Variants in BCL2L1 observed in about 807,000 individuals in gnomAD.
The protein encoded by BCL2L1 is BCL2 like 1.
In BCL2L1, 1 loss-of-function variant was observed where a neutral mutation model predicts 18.7. That is an observed-to-expected ratio of 0.05 (90% confidence interval 0.02 to 0.25). The LOEUF (loss-of-function observed/expected upper bound fraction) is 0.25. Ranked by LOEUF, BCL2L1 falls within the 10% of genes least tolerant of loss-of-function variation. BCL2L1 has a pLI of 1.00. For synonymous variants in BCL2L1, 103 were observed against 122.7 expected (o/e 0.84, Z 1.06); for missense variants, 207 against 304.9 (o/e 0.68, Z 2.39).
intron 2 of BCL2L1, among the ~76,000 whole-genome samples, chr20:31,721,214 C>A (rs896522080): frequency 6.6e-6 from 1 of 152,180 alleles, no homozygotes; most frequent in African/African-American, 2.4e-5. Context: ...AGGACTGAGA[C>A]CCCTTGGGGG....
At chr20:31,720,917 C>A (rs761138789) in intron 2 of BCL2L1, 62 of 985,428 alleles carry the variant, frequency 6.3e-5, no homozygotes, top group Middle Eastern at 5.2e-4. Flanking sequence ...CCCCAACCGA[C>A]CCCAGGCAAT....
chr20:31,712,057 G>A (rs1026245233), intron 2 of BCL2L1, among the ~76,000 whole-genome samples: 10 of 152,182 alleles, frequency 6.6e-5, no homozygotes, highest in Non-Finnish European at 1.5e-4. Context: ...TTCAGAGTAA[G>A]AGAGACCTGG....
upstream of BCL2L1, chr20:31,723,397 C>G (rs2061667934): frequency 1.0e-6 from 1 of 985,394 alleles, no homozygotes; most frequent in African/African-American, 1.7e-5. Context: ...ACAGCTGAGA[C>G]CACGTTTTCC....
intron 2 of BCL2L1, among the ~76,000 whole-genome samples, chr20:31,709,303 C>G (rs2061415142): frequency 6.6e-6 from 1 of 152,122 alleles, no homozygotes; most frequent in Non-Finnish European, 1.5e-5. Flanking sequence ...GGTTCTTACC[C>G]GTCTGGCCTG....
chr20:31,686,561 TC>T (rs2060958670), intron 2 of BCL2L1, among the ~76,000 whole-genome samples: 1 of 152,168 alleles, frequency 6.6e-6, no homozygotes, highest in South Asian at 2.1e-4. Context: ...AGCTGTAATA[TC>T]TTAGAGATGT....
chr20:31,672,711 G>T (rs1361824528), intron 2 of BCL2L1, among the ~76,000 whole-genome samples: 1 of 152,224 alleles, frequency 6.6e-6, no homozygotes, highest in Non-Finnish European at 1.5e-5. Context: ...GTAGGTGCCT[G>T]TGACCCTGTA....
At chr20:31,678,773 A>G (rs534367027) in intron 2 of BCL2L1, among the ~76,000 whole-genome samples, 24 of 152,256 alleles carry the variant, frequency 1.6e-4, no homozygotes, top group African/African-American at 5.5e-4. Context: ...ACCGCCTCCA[A>G]CTAGTCCAGA....
chr20:31,673,430 G>C (rs2060705903), intron 2 of BCL2L1, among the ~76,000 whole-genome samples: 1 of 151,336 alleles, frequency 6.6e-6, no homozygotes, highest in Non-Finnish European at 1.5e-5. Context: ...GATTGCTTGA[G>C]CCCAGGAGTC....
chr20:31,696,699 G>A (rs1489631739), intron 2 of BCL2L1, among the ~76,000 whole-genome samples: 1 of 152,140 alleles, frequency 6.6e-6, no homozygotes, highest in Admixed American at 6.6e-5. Context: ...GACTGCTTGA[G>A]CCCAGGAGTT....
At position 31,713,996 on chromosome 20, in the gene BCL2L1, C is replaced by T. The variant is rs115033247; in HGVS notation, c.564+7659G>A. On this transcript the variant is annotated intron_variant, in intron 2 of 2. Transcript: ENST00000307677. ...TGGGTGGTTATAAGGATCAAAAAGG[C>T]AAGGTGGATCTGAAAGTGCTTTGGA... Among the ~76,000 whole-genome samples the T allele has an allele frequency of 3.0e-3, 457 of 152,282 alleles. 5 individuals carry two copies. The highest frequency in any genetic ancestry group is 0.011 in the African/African-American group (444 of 41,546).
At chr20:31,706,367 C>A (rs1057017098) in intron 2 of BCL2L1, among the ~76,000 whole-genome samples, 3 of 152,172 alleles carry the variant, frequency 2.0e-5, no homozygotes, top group Non-Finnish European at 4.4e-5. Flanking sequence ...GCACCTCAAG[C>A]CTCATAGAGA....
rs538281348 is a variant in BCL2L1 at position 31,684,126 on chromosome 20, C to T, written c.565-18040G>A. Among the ~76,000 whole-genome samples the T allele has an allele frequency of 4.0e-3, 605 of 152,202 alleles. 2 individuals are homozygous for T. Among genetic ancestry groups the T allele is most frequent in the Non-Finnish European group, 6.4e-3 (437 of 68,004 alleles). On this transcript the variant is annotated intron_variant, in intron 2 of 2. Coordinates refer to ENST00000307677, the MANE Select transcript of BCL2L1 (RefSeq NM_138578.3). Reference sequence around the variant, plus strand: ...GCCAGTCCAGAATGGCCCACAGGTACCCCCCAACATGCCTTGGAACCACAG... The same window carrying T: ...GCCAGTCCAGAATGGCCCACAGGTATCCCCCAACATGCCTTGGAACCACAG...
intron 2 of BCL2L1, among the ~76,000 whole-genome samples, chr20:31,704,104 C>CCTT (rs1568887197): frequency 8.8e-6 from 1 of 114,192 alleles, no homozygotes. Flanking sequence ...GGCCCTAAAC[C>CCTT]TTTTTTTTTT....
At chr20:31,666,915 C>G (rs547175598) in intron 2 of BCL2L1, among the ~76,000 whole-genome samples, 37 of 152,242 alleles carry the variant, frequency 2.4e-4, no homozygotes, top group Non-Finnish European at 4.6e-4. Context: ...GCTAAATTAC[C>G]CAGCCCAGGG....
At position 31,706,360 on chromosome 20, in the gene BCL2L1, C is replaced by T. The variant is rs908049174; in HGVS notation, c.564+15295G>A. ...GGCAACCCATGGCTAAATCAAGGCACCTCAAGCCTCATAGAGAAAAGGGAA... is the reference window on the plus strand; with the variant it reads ...GGCAACCCATGGCTAAATCAAGGCATCTCAAGCCTCATAGAGAAAAGGGAA... On this transcript the variant is annotated intron_variant, in intron 2 of 2. Transcript: ENST00000307677. Among the ~76,000 whole-genome samples the T allele has an allele frequency of 4.6e-5, 7 of 152,206 alleles. No homozygotes were observed. In the South Asian group the frequency reaches 1.2e-3, roughly 27 times the overall value.
At chr20:31,684,303 C>T (rs1368361169) in intron 2 of BCL2L1, among the ~76,000 whole-genome samples, 1 of 152,216 alleles carries the variant, frequency 6.6e-6, no homozygotes, top group Non-Finnish European at 1.5e-5. Context: ...GCCAAAGAGG[C>T]ATGAGTGTGC....
Position 31,703,239 on chromosome 20 carries a change from T to C in BCL2L1, c.564+18416A>G, listed in dbSNP as rs529178889. Among the ~76,000 whole-genome samples the C allele has an allele frequency of 2.4e-4, 37 of 151,934 alleles. No individual in the cohort carries two copies. In the East Asian group the frequency reaches 7.1e-3, roughly 29 times the overall value. ...TTGTATTTTTAGTAGAGATGGGGTT[T>C]TACCACGTTGGTCAGGCTGGTCTCG... On this transcript the variant is annotated intron_variant, in intron 2 of 2. Transcript: ENST00000307677.
chr20:31,713,273 T>G, intron 2 of BCL2L1: 1 of 985,156 alleles, frequency 1.0e-6, no homozygotes, highest in South Asian at 4.7e-5. Flanking sequence ...GAAAGGCATT[T>G]TCTAAATCTT....
At chr20:31,703,942 C>G (rs1266476395) in intron 2 of BCL2L1, among the ~76,000 whole-genome samples, 1 of 150,756 alleles carries the variant, frequency 6.6e-6, no homozygotes, top group Non-Finnish European at 1.5e-5. Context: ...GGACTATAGG[C>G]CCACGCCACC....
Sources: allele counts gnomAD v4.1 joint callset (sites outside exome capture counted in the v4.1 genomes callset), GRCh38; gene constraint gnomAD v4.1.1; transcripts MANE v1.5; gene names NCBI Gene and HGNC (gene_info 2026-07-23, HGNC 2026-07-21).